SFMBT1: variants seen among roughly 807,000 people sequenced by gnomAD.
SFMBT1 encodes scm-like with four MBT domains protein 1.
A neutral mutation model predicts 108.7 loss-of-function variants in SFMBT1; 32 were observed. The ratio of observed to expected loss-of-function variants is 0.29; its 90% CI spans 0.22 to 0.40. The LOEUF (loss-of-function observed/expected upper bound fraction) is 0.40, where lower values mean the gene tolerates loss of function less well. Among genes scored for constraint, SFMBT1 ranks in the 10% least tolerant of loss-of-function variants. The probability of loss-of-function intolerance (pLI) is 1.00; values close to 1 mark genes in which losing one functional copy is unlikely to be tolerated. For missense variants in SFMBT1, 816 were observed against 1,059.6 expected, an observed-to-expected ratio of 0.77 and a Z score of 3.19; for synonymous variants, 348 against 369.5, an observed-to-expected ratio of 0.94 and a Z score of 0.67.
chr3:52,990,421 G>A lies in SFMBT1; in HGVS notation c.-130-21163C>T, dbSNP rs547545991. ...CAGAACACTCAGTCCTTCCTCACTTGGAAACAAAAACCAAATGCTTGAAGA... is the reference window on the plus strand; with the variant it reads ...CAGAACACTCAGTCCTTCCTCACTTAGAAACAAAAACCAAATGCTTGAAGA... On this transcript the variant is annotated intron_variant, in intron 1 of 20. Coordinates refer to ENST00000394752, the MANE Select transcript of SFMBT1 (RefSeq NM_016329.4). 4.6e-5 allele frequency among the ~76,000 whole-genome samples: 7 copies of A among 152,124 alleles called. No individual in the cohort carries two copies. In the South Asian group the frequency reaches 1.2e-3, roughly 27 times the overall value.
At position 52,980,096 on chromosome 3, in the gene SFMBT1, C is replaced by G. The variant is rs538196618; in HGVS notation, c.-130-10838G>C. Among the ~76,000 whole-genome samples, 10 of 152,230 alleles carry G rather than the reference C, an allele frequency of 6.6e-5. No homozygotes were observed. The South Asian group carries it at 1.7e-3, about 25-fold the overall frequency. On this transcript the variant is annotated intron_variant, in intron 1 of 20. Transcript: ENST00000394752. Reference sequence around the variant, plus strand: ...CATGTACCTATTAGTCTATCATTTACCACTTTTATATACAAATCTATTATT... The same window carrying G: ...CATGTACCTATTAGTCTATCATTTAGCACTTTTATATACAAATCTATTATT...
At chr3:52,928,647 T>TATATACACAC (rs1559514110) in intron 8 of SFMBT1, among the ~76,000 whole-genome samples, 3 of 108,040 alleles carry the variant, frequency 2.8e-5, no homozygotes, top group African/African-American at 1.0e-4. Context: ...CATATATATA[T>TATATACACAC]ATATATACAC....
At chr3:52,963,206 G>A (rs1411036231) in intron 2 of SFMBT1, among the ~76,000 whole-genome samples, 1 of 151,816 alleles carries the variant, frequency 6.6e-6, no homozygotes, top group African/African-American at 2.4e-5. Context: ...TGTTGGCCAG[G>A]CTGGTCTCAA....
chr3:52,907,386 AT>A (rs1702091942), intron 18 of SFMBT1, 72 bp from the exon 19 acceptor site: 1 of 1,535,292 alleles, frequency 6.5e-7, no homozygotes, highest in Non-Finnish European at 8.7e-7. Flanking sequence ...TTAAAAAAAA[AT>A]AATAAAGAAA....
intron 2 of SFMBT1, among the ~76,000 whole-genome samples, chr3:52,956,656 G>A (rs1410566793): frequency 2.0e-5 from 3 of 152,210 alleles, no homozygotes; most frequent in South Asian, 2.1e-4. Context: ...AGCTACTCAG[G>A]AGGCTGAGAG....
chr3:53,015,071 A>G lies in SFMBT1; in HGVS notation c.-131+30745T>C, dbSNP rs9819474. On this transcript the variant is annotated intron_variant, in intron 1 of 20. Transcript: ENST00000394752. ...TCGTCTCTACAAAACTTAGCTGGGC[A>G]TGGTGGTGTACGCCTGTAGTCACAG... Among the ~76,000 whole-genome samples, 632 of 152,198 alleles carry G rather than the reference A, an allele frequency of 4.2e-3. 7 individuals are homozygous for G. The highest frequency in any genetic ancestry group is 0.015 in the African/African-American group (616 of 41,536).
intron 1 of SFMBT1, among the ~76,000 whole-genome samples, chr3:52,991,479 G>A (rs906774788): frequency 4.0e-5 from 6 of 151,736 alleles, no homozygotes; most frequent in Non-Finnish European, 8.8e-5. Flanking sequence ...CGAGTAGCTG[G>A]GGCTACAGGG....
intron 1 of SFMBT1, among the ~76,000 whole-genome samples, chr3:53,025,611 T>C (rs1038842718): frequency 4.6e-5 from 7 of 151,862 alleles, no homozygotes; most frequent in Non-Finnish European, 1.0e-4. Flanking sequence ...GTGAACCCCG[T>C]CTTAAAAAAA....
At chr3:52,997,012 T>C (rs981286739) in intron 1 of SFMBT1, among the ~76,000 whole-genome samples, 18 of 148,988 alleles carry the variant, frequency 1.2e-4, no homozygotes, top group African/African-American at 4.1e-4. Context: ...GAGCCTGCAG[T>C]GAGCCGAGAT....
chr3:52,928,388 A>G, intron 8 of SFMBT1, 47 bp from the exon 9 acceptor site: 7 of 1,578,418 alleles, frequency 4.4e-6, no homozygotes, highest in Non-Finnish European at 6.0e-6. Context: ...ACACATATAT[A>G]TGTGCTTTCT....
intron 1 of SFMBT1, among the ~76,000 whole-genome samples, chr3:53,001,094 A>T (rs1055725770): frequency 2.7e-5 from 4 of 150,212 alleles, no homozygotes; most frequent in Non-Finnish European, 4.5e-5. Flanking sequence ...ACAAAAAAGA[A>T]CCACACAAAA....
intron 1 of SFMBT1, among the ~76,000 whole-genome samples, chr3:52,998,931 C>T (rs945363019): frequency 7.3e-5 from 11 of 150,824 alleles, no homozygotes; most frequent in Non-Finnish European, 1.2e-4. Flanking sequence ...AGCTGCCCTG[C>T]CGGCCACCGA....
At chr3:52,962,419 T>C (rs532231045) in intron 2 of SFMBT1, among the ~76,000 whole-genome samples, 21 of 152,362 alleles carry the variant, frequency 1.4e-4, no homozygotes, top group African/African-American at 4.6e-4. Flanking sequence ...GAACAATCTC[T>C]ATATACTGAT....
chr3:52,994,988 T>C (rs1698270676), intron 1 of SFMBT1, among the ~76,000 whole-genome samples: 1 of 142,020 alleles, frequency 7.0e-6, no homozygotes, highest in Non-Finnish European at 1.6e-5. Context: ...GAAAAAAATC[T>C]ATTCACTGTA....
intron 1 of SFMBT1, among the ~76,000 whole-genome samples, chr3:53,024,720 C>T (rs1201730411): frequency 6.6e-6 from 1 of 152,224 alleles, no homozygotes; most frequent in East Asian, 1.9e-4. Flanking sequence ...ATATTTTGAA[C>T]TCCCATCTGG....
intron 1 of SFMBT1, among the ~76,000 whole-genome samples, chr3:52,994,005 A>G (rs1698231329): frequency 6.7e-6 from 1 of 150,366 alleles, no homozygotes; most frequent in African/African-American, 2.4e-5. Flanking sequence ...ACTGTAAAGC[A>G]CATCTTTATA....
At chr3:52,966,005 CAAAAAAAAAAA>C (rs775989805) in intron 2 of SFMBT1, among the ~76,000 whole-genome samples, 2 of 55,030 alleles carry the variant, frequency 3.6e-5, no homozygotes, top group African/African-American at 1.5e-4. Flanking sequence ...GACTCCGTTT[CAAAAAAAAAAA>C]AAAAAAAAAA....
chr3:52,956,498 C>A (rs774084396), intron 2 of SFMBT1, among the ~76,000 whole-genome samples: 1 of 151,916 alleles, frequency 6.6e-6, no homozygotes, highest in East Asian at 1.9e-4. Flanking sequence ...CAGTGGCTCA[C>A]GTCTGTAATC....
chr3:52,951,116 T>TAAAAAAAA (rs60541061), intron 3 of SFMBT1, among the ~76,000 whole-genome samples: 55 of 81,548 alleles, frequency 6.7e-4, no homozygotes, highest in African/African-American at 2.5e-3. Flanking sequence ...ACTCTTATCT[T>TAAAAAAAA]AAAAAAAAAA....
Sources: allele counts gnomAD v4.1 joint callset (sites outside exome capture counted in the v4.1 genomes callset), GRCh38; gene constraint gnomAD v4.1.1; transcripts MANE v1.5; gene names NCBI Gene and HGNC (gene_info 2026-07-23, HGNC 2026-07-21).